The following TENM1 variants were observed in gnomAD, a reference collection of about 807,000 sequenced individuals.
The protein encoded by TENM1 is teneurin transmembrane protein 1, also known as teneurin-1.
A neutral mutation model predicts 174.8 loss-of-function variants in TENM1; 35 were observed. The observed-to-expected ratio is 0.20, with a 90% CI of 0.15 to 0.27. The LOEUF (loss-of-function observed/expected upper bound fraction) is 0.27. Among genes scored for constraint, TENM1 ranks in the 10% least tolerant of loss-of-function variants. The probability of loss-of-function intolerance (pLI) is 1.00; values close to 1 mark genes in which losing one functional copy is unlikely to be tolerated. For missense variants in TENM1, 1,633 were observed against 2,130.1 expected (o/e 0.77, Z 4.59); for synonymous variants, 781 against 798.7 (o/e 0.98, Z 0.37).
chrX:125,018,489 A>G, the TENM1 span, among the ~76,000 whole-genome samples: 1 of 111,765 alleles, frequency 8.9e-6, no homozygotes, highest in South Asian at 3.7e-4. Context: ...AAAACTCACT[A>G]TATTAGTTAT....
At chrX:124,938,865 A>G (rs764266636) in intron 1 of TENM1, among the ~76,000 whole-genome samples, 1 of 111,674 alleles carries the variant, frequency 9.0e-6, no homozygotes, top group African/African-American at 3.3e-5. Flanking sequence ...ACAATAAATC[A>G]CCATCTGTAC....
At chrX:124,442,671 A>T (rs918170102) in intron 23 of TENM1, among the ~76,000 whole-genome samples, 3 of 110,444 alleles carry the variant, frequency 2.7e-5, no homozygotes, top group Admixed American at 9.6e-5. Context: ...GTTAAAGAAA[A>T]TTTTTTTTTG....
At chrX:124,431,825 A>G (rs947153877) in intron 23 of TENM1, among the ~76,000 whole-genome samples, 1 of 112,335 alleles carries the variant, frequency 8.9e-6, no homozygotes, top group Non-Finnish European at 1.9e-5. Context: ...GTCTCTCTGC[A>G]TAATGGCTGG....
chrX:125,103,482 T>A, the TENM1 span, among the ~76,000 whole-genome samples: 1 of 111,504 alleles, frequency 9.0e-6, no homozygotes, highest in Admixed American at 9.6e-5. Flanking sequence ...TTTTTCTCCC[T>A]TTAAGGTTCT....
At chrX:124,927,952 T>A (rs1445314890) in intron 1 of TENM1, among the ~76,000 whole-genome samples, 1 of 104,260 alleles carries the variant, frequency 9.6e-6, no homozygotes, top group African/African-American at 3.5e-5. Context: ...TAATCTCCAA[T>A]GATTTTAAGA....
exon 32 of TENM1, chrX:124,378,242 T>G (rs897755334): frequency 1.8e-5 from 2 of 112,509 alleles, no homozygotes; most frequent in African/African-American, 6.5e-5. Context: ...TAAAGCAGTT[T>G]GAAAATGATA....
At chrX:125,013,001 G>A in the TENM1 span, among the ~76,000 whole-genome samples, 4 of 111,691 alleles carry the variant, frequency 3.6e-5, no homozygotes, top group Admixed American at 3.8e-4. Context: ...TTATGCTTAG[G>A]TAACAGCAGT....
chrX:124,550,339 C>G lies in TENM1; in HGVS notation c.2435-3249G>C, dbSNP rs746828112. Among the ~76,000 whole-genome samples, 23 of 112,222 alleles carry G rather than the reference C, an allele frequency of 2.0e-4. No individual in the cohort carries two copies. In the South Asian group the frequency reaches 8.6e-3, roughly 42 times the overall value. On this transcript the variant is annotated intron_variant, in intron 14 of 31. Coordinates refer to ENST00000422452, the Ensembl canonical transcript of TENM1. ...TTTACAAATATATATCCTTTAGAGACAGCACTTGTATTATCACCTTGATAA... is the reference window on the plus strand; with the variant it reads ...TTTACAAATATATATCCTTTAGAGAGAGCACTTGTATTATCACCTTGATAA...
intron 11 of TENM1, among the ~76,000 whole-genome samples, chrX:124,610,358 A>G (rs770752300): frequency 1.8e-5 from 2 of 112,388 alleles, no homozygotes; most frequent in East Asian, 5.6e-4. Context: ...ACCTTTGAAC[A>G]TACGAAGTCA....
At chrX:124,930,971 C>A (rs1315597477) in intron 1 of TENM1, among the ~76,000 whole-genome samples, 1 of 111,459 alleles carries the variant, frequency 9.0e-6, no homozygotes, top group Non-Finnish European at 1.9e-5. Flanking sequence ...ATGAGAAGTG[C>A]ATGCTATGAA....
the TENM1 span, among the ~76,000 whole-genome samples, chrX:125,041,489 T>A: frequency 0.024 from 2,730 of 111,479 alleles, 91 homozygotes; most frequent in African/African-American, 0.083. Context: ...GAACTTTCAT[T>A]ATCTTTAAAT....
At chrX:124,578,104 T>TACG (rs1569318744) in intron 11 of TENM1, among the ~76,000 whole-genome samples, 5 of 108,459 alleles carry the variant, frequency 4.6e-5, no homozygotes, top group Non-Finnish European at 9.6e-5. Flanking sequence ...TAAAAAAAAT[T>TACG]TTCTGTAGAG....
At chrX:124,431,055 T>C (rs1469045471) in intron 23 of TENM1, among the ~76,000 whole-genome samples, 1 of 111,992 alleles carries the variant, frequency 8.9e-6, no homozygotes, top group East Asian at 2.8e-4. Flanking sequence ...TTTGCTGACT[T>C]CATTTCCTTC....
the TENM1 span, among the ~76,000 whole-genome samples, chrX:125,005,507 T>A: frequency 1.9e-5 from 2 of 107,869 alleles, no homozygotes; most frequent in East Asian, 6.0e-4. Context: ...ACTAGTAGAG[T>A]CTAGGGTTTG....
the TENM1 span, among the ~76,000 whole-genome samples, chrX:125,074,648 C>T: frequency 9.0e-6 from 1 of 111,408 alleles, no homozygotes; most frequent in Non-Finnish European, 1.9e-5. Flanking sequence ...TCCTACCAGT[C>T]CTTTCCCAGT....
At chrX:125,047,333 C>A in the TENM1 span, among the ~76,000 whole-genome samples, 2 of 111,458 alleles carry the variant, frequency 1.8e-5, no homozygotes, top group African/African-American at 3.2e-5. Flanking sequence ...TGTAGGCATC[C>A]ATTATGAGTA....
intron 1 of TENM1, among the ~76,000 whole-genome samples, chrX:124,912,863 T>A (rs1200777261): frequency 9.0e-6 from 1 of 111,196 alleles, no homozygotes; most frequent in Non-Finnish European, 1.9e-5. Flanking sequence ...TACATAAAAT[T>A]CAAATGGGCC....
chrX:124,377,491 T>TAATC (rs1372152453), exon 32 of TENM1: 9 of 112,095 alleles, frequency 8.0e-5, no homozygotes, highest in African/African-American at 2.9e-4. Flanking sequence ...GTCATGCTTC[T>TAATC]AATCAATAAC....
chrX:124,663,610 C>T (rs1435851206), intron 6 of TENM1, among the ~76,000 whole-genome samples: 1 of 111,893 alleles, frequency 8.9e-6, no homozygotes. Context: ...GATCCCTTAG[C>T]TTTGAAAGGA....
Sources: allele counts gnomAD v4.1 joint callset (sites outside exome capture counted in the v4.1 genomes callset), GRCh38; gene constraint gnomAD v4.1.1; transcripts MANE v1.5; gene names NCBI Gene and HGNC (gene_info 2026-07-23, HGNC 2026-07-21).